Variants in CWC27 observed in about 807,000 individuals in gnomAD.
CWC27 encodes spliceosome-associated protein CWC27 homolog.
CWC27 carries 47 observed loss-of-function variants against 63.6 expected under a neutral mutation model. That is an observed-to-expected ratio of 0.74 (90% confidence interval 0.58 to 0.94). The LOEUF is 0.94. Ranked by LOEUF, CWC27 falls within the 40% of genes least tolerant of loss-of-function variation. CWC27 has a pLI of 0.00. For missense variants in CWC27, 495 were observed against 554.3 expected (o/e 0.89, Z 1.07); for synonymous variants, 175 against 179.8 (o/e 0.97, Z 0.22).
At chr5:64,961,522 G>A (rs768802288) in intron 11 of CWC27, among the ~76,000 whole-genome samples, 12 of 151,870 alleles carry the variant, frequency 7.9e-5, no homozygotes, top group East Asian at 1.9e-4. Flanking sequence ...TATTATATCC[G>A]TGAATCCACA....
intron 10 of CWC27, among the ~76,000 whole-genome samples, chr5:64,826,415 A>G (rs1745362458): frequency 6.6e-6 from 1 of 152,184 alleles, no homozygotes; most frequent in East Asian, 1.9e-4. Context: ...GTCCCATCAT[A>G]TAGTGAATCT....
At chr5:64,933,575 C>T (rs1262886409) in intron 11 of CWC27, among the ~76,000 whole-genome samples, 1 of 151,572 alleles carries the variant, frequency 6.6e-6, no homozygotes, top group East Asian at 1.9e-4. Flanking sequence ...TCGCTGCAAC[C>T]TCCACCTCCC....
intron 10 of CWC27, among the ~76,000 whole-genome samples, chr5:64,830,110 T>G (rs1253626773): frequency 6.6e-6 from 1 of 151,712 alleles, no homozygotes; most frequent in Non-Finnish European, 1.5e-5. Context: ...TGTGCCATGT[T>G]GGTGTGCTGC....
rs184203665 is a variant in CWC27, at chr5:64,841,738, C to T, written c.938+37352C>T. 4.2e-4 allele frequency among the ~76,000 whole-genome samples: 64 copies of T among 152,268 alleles called. 2 individuals are homozygous for T. The highest frequency in any genetic ancestry group is 6.8e-3 in the Middle Eastern group (2 of 294). On this transcript the variant is annotated intron_variant, in intron 10 of 13. Coordinates refer to ENST00000381070, the MANE Select transcript of CWC27 (RefSeq NM_005869.4). ...TTGCCCAGGCTAGAGTGCAATGGCA[C>T]AATCGCGGCTCACTGCAACCTCCGC...
chr5:64,977,250 G>T lies in CWC27; in HGVS notation c.1256+12G>T, dbSNP rs1749243694. 1.9e-6 allele frequency: 3 copies of T among 1,547,746 alleles called. No homozygotes were observed. The South Asian group carries it at 3.4e-5, about 17-fold the overall frequency. On this transcript the variant is annotated intron_variant, in intron 13 of 13. Transcript: ENST00000381070. ...GATGATGAAGGATGGTAAGGGCTTT[G>T]ATTTCTGTATATTAACCATGAACAA...
Position 64,800,332 on chromosome 5 carries a change from G to A in CWC27, c.749+5G>A. ...TTCTGTTCCAGTTGTAGAAAGGTTA[G>A]TCCATTGTTGGTATGATCCTAAGTT... On this transcript the variant is annotated splice_donor_5th_base_variant and intron_variant, in intron 8 of 13. Transcript: ENST00000381070. The A allele has an allele frequency of 3.1e-6, 5 of 1,595,032 alleles. No homozygotes were observed. Among genetic ancestry groups the A allele is most frequent in the Non-Finnish European group, 4.3e-6 (5 of 1,165,538 alleles).
At chr5:64,783,576 C>G (rs1210443274) in intron 3 of CWC27, among the ~76,000 whole-genome samples, 3 of 152,140 alleles carry the variant, frequency 2.0e-5, no homozygotes, top group Non-Finnish European at 2.9e-5. Flanking sequence ...TCCATTCCCC[C>G]TTGGGTACTC....
At chr5:64,771,674 TTA>T (rs1025765342) in intron 1 of CWC27, among the ~76,000 whole-genome samples, 3 of 151,878 alleles carry the variant, frequency 2.0e-5, no homozygotes, top group South Asian at 2.1e-4. Context: ...CAAAATGGCT[TTA>T]TAAGTATATT....
At chr5:64,788,808 T>TTC in intron 6 of CWC27, 143 bp from the exon 7 acceptor site, 2 of 575,226 alleles carry the variant, frequency 3.5e-6, no homozygotes, top group Admixed American at 6.7e-5. Context: ...TTCTGCTGAA[T>TTC]ACTGAGTAAT....
At chr5:64,917,213 T>A (rs1747907381) in intron 11 of CWC27, among the ~76,000 whole-genome samples, 1 of 152,194 alleles carries the variant, frequency 6.6e-6, no homozygotes, top group Non-Finnish European at 1.5e-5. Flanking sequence ...TTTCACTACT[T>A]CTACACGTGT....
At chr5:64,802,454 T>A (rs972646339) in intron 9 of CWC27, among the ~76,000 whole-genome samples, 5 of 152,238 alleles carry the variant, frequency 3.3e-5, no homozygotes, top group African/African-American at 1.2e-4. Context: ...AAGGTGTTTG[T>A]TAAAAAGAAG....
chr5:64,828,878 A>G (rs1745437371), intron 10 of CWC27, among the ~76,000 whole-genome samples: 1 of 152,076 alleles, frequency 6.6e-6, no homozygotes, highest in African/African-American at 2.4e-5. Flanking sequence ...CTCTACCCAT[A>G]AAATAGTTAA....
chr5:64,881,114 C>T lies in CWC27; in HGVS notation c.939-4329C>T, dbSNP rs187729426. On this transcript the variant is annotated intron_variant, in intron 10 of 13. Coordinates refer to ENST00000381070, the MANE Select transcript of CWC27 (RefSeq NM_005869.4). ...AAAATTGGTTTAAAAACTTGCACTT[C>T]GTTTCAAGAGTTATGGATTCCACAG... 6.4e-4 allele frequency among the ~76,000 whole-genome samples: 97 copies of T among 152,086 alleles called. 1 individual carries two copies. Among genetic ancestry groups the T allele is most frequent in the Admixed American group, 6.5e-5 (1 of 15,282 alleles).
intron 10 of CWC27, among the ~76,000 whole-genome samples, chr5:64,805,377 C>G (rs1173130729): frequency 6.6e-6 from 1 of 150,954 alleles, no homozygotes; most frequent in African/African-American, 2.4e-5. Context: ...ATTATATATA[C>G]CATACATAGT....
intron 10 of CWC27, among the ~76,000 whole-genome samples, chr5:64,820,932 A>C (rs564195044): frequency 5.3e-5 from 8 of 152,144 alleles, no homozygotes; most frequent in Non-Finnish European, 1.0e-4. Context: ...CAAAAAAAAA[A>C]CAAACCTTTG....
chr5:64,917,561 C>T (rs1446345315), intron 11 of CWC27, among the ~76,000 whole-genome samples: 1 of 152,112 alleles, frequency 6.6e-6, no homozygotes, highest in African/African-American at 2.4e-5. Context: ...ATAAAATTGG[C>T]ATTTGAATTG....
intron 10 of CWC27, among the ~76,000 whole-genome samples, chr5:64,826,886 A>G (rs1282346819): frequency 6.6e-6 from 1 of 152,042 alleles, no homozygotes; most frequent in East Asian, 1.9e-4. Flanking sequence ...TTGTGTGTAT[A>G]TGTGTGTGGC....
chr5:64,988,640 G>C (rs947123742), intron 13 of CWC27, among the ~76,000 whole-genome samples: 1 of 128,412 alleles, frequency 7.8e-6, no homozygotes, highest in East Asian at 2.2e-4. Context: ...TTTTACTCTT[G>C]TTGCCCAGGC....
chr5:64,833,680 T>C (rs1437785302), intron 10 of CWC27, among the ~76,000 whole-genome samples: 1 of 151,714 alleles, frequency 6.6e-6, no homozygotes, highest in Non-Finnish European at 1.5e-5. Context: ...ACTCAAATAG[T>C]TTTGATTTTC....
Sources: allele counts gnomAD v4.1 joint callset (sites outside exome capture counted in the v4.1 genomes callset), GRCh38; gene constraint gnomAD v4.1.1; transcripts MANE v1.5; gene names NCBI Gene and HGNC (gene_info 2026-07-23, HGNC 2026-07-21).